The following MYO7A variants were observed in gnomAD, a reference collection of about 807,000 sequenced individuals.
The protein encoded by MYO7A is unconventional myosin-VIIa.
In MYO7A, 210 loss-of-function variants were observed where a neutral mutation model predicts 263.8. The observed-to-expected ratio is 0.80, with a 90% CI of 0.71 to 0.89. The LOEUF is 0.89. Among genes scored for constraint, MYO7A ranks in the 40% least tolerant of loss-of-function variants. MYO7A has a pLI of 0.00. For missense variants in MYO7A, 2,820 were observed against 2,968.3 expected (o/e 0.95, Z 1.16); for synonymous variants, 1,239 against 1,197.3 (o/e 1.03, Z -0.72).
intron 16 of MYO7A, among the ~76,000 whole-genome samples, chr11:77,173,694 G>C (rs1038222029): frequency 2.0e-5 from 3 of 152,266 alleles, no homozygotes; most frequent in African/African-American, 7.2e-5. Flanking sequence ...GAAGGCCGGG[G>C]AAAGTGGCCC....
intron 33 of MYO7A, 61 bp from the exon 34 acceptor site, chr11:77,198,434 T>C (rs1308333111): frequency 6.3e-7 from 1 of 1,591,548 alleles, no homozygotes; most frequent in Admixed American, 1.7e-5. Context: ...CGTTATGAGA[T>C]TGAGAAGGGC....
At chr11:77,213,797 G>C (rs751866839) in intron 47 of MYO7A, 63 bp from the exon 48 acceptor site, 1 of 1,611,542 alleles carries the variant, frequency 6.2e-7, no homozygotes, top group Non-Finnish European at 8.5e-7. Context: ...GTGAGGGCAT[G>C]TGTGGGCAAG....
intron 15 of MYO7A, 38 bp from the exon 16 acceptor site, chr11:77,172,710 G>A (rs1555076848): frequency 1.3e-6 from 2 of 1,546,360 alleles, no homozygotes; most frequent in Non-Finnish European, 8.7e-7. Flanking sequence ...GGATGGGGCA[G>A]GCACAGCCCC....
intron 31 of MYO7A, chr11:77,193,946 C>G (rs1422590880): frequency 2.2e-6 from 1 of 457,488 alleles, no homozygotes; most frequent in African/African-American, 2.0e-5. Flanking sequence ...CACTCTGACC[C>G]TGCCAGCAGA....
chr11:77,202,693 C>T (rs779052988), intron 37 of MYO7A, among the ~76,000 whole-genome samples: 10 of 151,690 alleles, frequency 6.6e-5, no homozygotes, highest in Non-Finnish European at 8.8e-5. Context: ...TGGAAGCAGG[C>T]AGCTGGGATT....
chr11:77,173,361 C>T (rs1038327128), intron 16 of MYO7A, among the ~76,000 whole-genome samples: 8 of 152,232 alleles, frequency 5.3e-5, no homozygotes, highest in Non-Finnish European at 1.0e-4. Context: ...AAGCCTCCCC[C>T]ATCTCTTCAG....
At chr11:77,131,473 C>T (rs1950764963) in intron 2 of MYO7A, among the ~76,000 whole-genome samples, 1 of 152,236 alleles carries the variant, frequency 6.6e-6, no homozygotes, top group Non-Finnish European at 1.5e-5. Context: ...TCAGGACAGA[C>T]ATTCTTCTAT....
At chr11:77,173,946 C>G (rs1483681319) in intron 16 of MYO7A, among the ~76,000 whole-genome samples, 1 of 151,998 alleles carries the variant, frequency 6.6e-6, no homozygotes, top group Admixed American at 6.6e-5. Flanking sequence ...GGACCCTTCC[C>G]TCGGCCCAGT....
intron 44 of MYO7A, among the ~76,000 whole-genome samples, chr11:77,210,437 G>A (rs1957788197): frequency 6.6e-6 from 1 of 152,158 alleles, no homozygotes; most frequent in Non-Finnish European, 1.5e-5. Flanking sequence ...GACAGATAGG[G>A]AGATGGATGG....
At chr11:77,152,689 G>A (rs1398323261) in intron 4 of MYO7A, among the ~76,000 whole-genome samples, 1 of 152,028 alleles carries the variant, frequency 6.6e-6, no homozygotes, top group African/African-American at 2.4e-5. Flanking sequence ...CATCTCTTAT[G>A]TGCCGTGCAT....
intron 4 of MYO7A, 119 bp downstream of exon 4, chr11:77,148,069 CTT>C (rs1951711952): frequency 1.0e-6 from 1 of 960,824 alleles, no homozygotes; most frequent in Non-Finnish European, 1.5e-6. Flanking sequence ...CCTCCTGAGA[CTT>C]TGTCCGCTGT....
intron 12 of MYO7A, 62 bp downstream of exon 12, chr11:77,161,177 C>T (rs1952963043): frequency 1.2e-5 from 19 of 1,597,962 alleles, no homozygotes; most frequent in East Asian, 2.2e-5. Flanking sequence ...AGAAATATCA[C>T]GTCTCTCCCT....
intron 31 of MYO7A, among the ~76,000 whole-genome samples, chr11:77,192,975 T>TGGTG (rs1956257874): frequency 3.3e-5 from 1 of 30,602 alleles, no homozygotes; most frequent in African/African-American, 2.8e-4. Context: ...ATGGTGGAGG[T>TGGTG]AGTTGTGATG....
chr11:77,154,408 G>T (rs918826630), intron 4 of MYO7A, among the ~76,000 whole-genome samples: 1 of 152,166 alleles, frequency 6.6e-6, no homozygotes, highest in Admixed American at 6.5e-5. Flanking sequence ...CCTGATCTGA[G>T]AATTCAGCAG....
chr11:77,172,754 G>C lies in MYO7A; in HGVS notation c.1804G>C (p.Glu602Gln). ...CTGCCGTCCGTCCCCCCAGGGCGCCGAGACCAGGAAGCGCTCGCCCACACT... is the reference window on the plus strand; with the variant it reads ...CTGCCGTCCGTCCCCCCAGGGCGCCCAGACCAGGAAGCGCTCGCCCACACT... ...IFQADVAMGAETRKRSPTLSS... is the reference protein window; with the variant it reads ...IFQADVAMGAQTRKRSPTLSS... The change falls in exon 16 of 49, where the codon GAG (glutamate) becomes CAG (glutamine). Residue 602 changes from glutamate (E) to glutamine (Q), a missense_variant. By Grantham distance (29) the Glu-to-Gln change is conservative. Coordinates refer to ENST00000409709, the MANE Select transcript of MYO7A (RefSeq NM_000260.4). The C allele has an allele frequency of 6.4e-7, 1 of 1,557,382 alleles. No individual in the cohort carries two copies. The highest frequency in any genetic ancestry group is 8.7e-7 in the Non-Finnish European group (1 of 1,151,352).
At chr11:77,190,172 A>G (rs770041103) in intron 29 of MYO7A, 33 bp downstream of exon 29, 8 of 1,528,032 alleles carry the variant, frequency 5.2e-6, no homozygotes, top group African/African-American at 1.4e-5. Context: ...GCTCGTGTGC[A>G]TGTGTGCGCA....
intron 15 of MYO7A, among the ~76,000 whole-genome samples, chr11:77,167,039 C>T (rs938113464): frequency 5.9e-5 from 9 of 152,324 alleles, no homozygotes; most frequent in South Asian, 2.1e-4. Flanking sequence ...GAGGCCTCAG[C>T]GGCCTGGGTG....
At chr11:77,198,360 T>C (rs1956822716) in intron 33 of MYO7A, 135 bp from the exon 34 acceptor site, 1 of 1,217,350 alleles carries the variant, frequency 8.2e-7, no homozygotes, top group South Asian at 1.6e-5. Flanking sequence ...AGCGAGTTTG[T>C]GCTCTCTGAG....
chr11:77,192,236 G>T lies in MYO7A; in HGVS notation c.4110G>T (p.Gln1370His). ...TGGCCACCAACCTCATCTACCAGCA[G>T]GTGGTGCGAGGAGTCAAGTTTGGGG... is the stretch of plus-strand genomic sequence containing the variant. ...DNVATNLIYQQVVRGVKFGEY... is the reference protein window; with the variant it reads ...DNVATNLIYQHVVRGVKFGEY... The change falls in exon 31 of 49, where the codon CAG (glutamine) becomes CAT (histidine). Residue 1370 changes from glutamine to histidine, a missense_variant. Coordinates refer to ENST00000409709, the MANE Select transcript of MYO7A (RefSeq NM_000260.4). The T allele has an allele frequency of 6.2e-7, 1 of 1,614,088 alleles. No individual in the cohort carries two copies. The highest frequency in any genetic ancestry group is 8.5e-7 in the Non-Finnish European group (1 of 1,179,914).
Sources: allele counts gnomAD v4.1 joint callset (sites outside exome capture counted in the v4.1 genomes callset), GRCh38; gene constraint gnomAD v4.1.1; transcripts MANE v1.5; gene names NCBI Gene and HGNC (gene_info 2026-07-23, HGNC 2026-07-21).